Variants in RAD51B observed in about 807,000 individuals in gnomAD.
RAD51B encodes the protein RAD51 paralog B, also known as DNA repair protein RAD51 homolog 2.
Under a neutral mutation model 42.2 loss-of-function variants are expected in RAD51B, and 38 were observed. That is an observed-to-expected ratio of 0.90 (90% CI 0.70 to 1.18). The LOEUF is 1.18. Among genes scored for constraint, RAD51B ranks in the 50% most tolerant of loss-of-function variants. The pLI, the probability that RAD51B is intolerant of heterozygous loss-of-function variation, is 0.00. For synonymous variants in RAD51B, 154 were observed against 145.2 expected (o/e 1.06, Z -0.43); for missense variants, 373 against 400.7 (o/e 0.93, Z 0.59).
intron 7 of RAD51B, among the ~76,000 whole-genome samples, chr14:68,030,220 A>G (rs1238805024): frequency 1.3e-5 from 2 of 152,218 alleles, no homozygotes; most frequent in East Asian, 3.8e-4. Context: ...AAAAAAAGTC[A>G]GCCTGTCTTT....
intron 8 of RAD51B, among the ~76,000 whole-genome samples, chr14:68,321,232 C>G (rs1438296847): frequency 6.6e-6 from 1 of 152,158 alleles, no homozygotes; most frequent in Non-Finnish European, 1.5e-5. Flanking sequence ...TCTCTCTTAG[C>G]CCTACACATC....
At chr14:68,450,926 G>C (rs769475115) in intron 9 of RAD51B, among the ~76,000 whole-genome samples, 1 of 152,136 alleles carries the variant, frequency 6.6e-6, no homozygotes, top group Non-Finnish European at 1.5e-5. Context: ...TAGCATGACT[G>C]TGGGGGCTCA....
intron 1 of RAD51B, among the ~76,000 whole-genome samples, chr14:67,821,652 G>T (rs1023941036): frequency 6.6e-6 from 1 of 152,116 alleles, no homozygotes; most frequent in African/African-American, 2.4e-5. Flanking sequence ...TGTGGAGACA[G>T]GTTCTCTCTA....
Position 67,899,251 on chromosome 14 carries a change from A to G in RAD51B, c.756+12047A>G, listed in dbSNP as rs539586055. 1.6e-3 allele frequency among the ~76,000 whole-genome samples: 235 copies of G among 151,078 alleles called. 1 individual carries two copies. In the East Asian group the frequency reaches 0.017, roughly 11 times the overall value. On this transcript the variant is annotated intron_variant, in intron 7 of 10. Transcript: ENST00000471583. Reference sequence around the variant, plus strand: ...TTTTTAGTAGAGACGGGGTTTCACCATGTTAGCCAGGATGGTCTTGATCTC... The same window carrying G: ...TTTTTAGTAGAGACGGGGTTTCACCGTGTTAGCCAGGATGGTCTTGATCTC...
intron 10 of RAD51B, among the ~76,000 whole-genome samples, chr14:68,492,289 A>G (rs2140283007): frequency 6.6e-6 from 1 of 152,366 alleles, no homozygotes; most frequent in East Asian, 1.9e-4. Flanking sequence ...ATACAAGGTA[A>G]TAAATAATCA....
At chr14:68,450,089 CAA>C (rs2085518158) in intron 9 of RAD51B, among the ~76,000 whole-genome samples, 1 of 152,008 alleles carries the variant, frequency 6.6e-6, no homozygotes, top group Non-Finnish European at 1.5e-5. Flanking sequence ...CTAATTAGGC[CAA>C]GCCCAAGGTT....
intron 7 of RAD51B, among the ~76,000 whole-genome samples, chr14:68,038,412 T>A (rs1029069218): frequency 7.1e-4 from 108 of 152,208 alleles, no homozygotes; most frequent in Non-Finnish European, 1.2e-3. Flanking sequence ...TTTTTTTTTT[T>A]CTTACTCAAA....
intron 7 of RAD51B, among the ~76,000 whole-genome samples, chr14:67,910,602 T>A (rs550554612): frequency 4.4e-4 from 67 of 152,038 alleles, no homozygotes; most frequent in East Asian, 1.4e-3. Flanking sequence ...ACTTTTTTTT[T>A]AAAATTTTAC....
chr14:67,971,994 C>G (rs2074907839), intron 7 of RAD51B, among the ~76,000 whole-genome samples: 1 of 150,716 alleles, frequency 6.6e-6, no homozygotes, highest in Admixed American at 6.6e-5. Flanking sequence ...ATATGTTAAC[C>G]ACATTTTTGT....
chr14:68,369,442 C>T (rs2083207436), intron 8 of RAD51B, among the ~76,000 whole-genome samples: 1 of 152,208 alleles, frequency 6.6e-6, no homozygotes. Flanking sequence ...TGGTGATCCA[C>T]AAAGCATTGC....
At chr14:68,075,228 C>T (rs2076813245) in intron 7 of RAD51B, among the ~76,000 whole-genome samples, 1 of 152,128 alleles carries the variant, frequency 6.6e-6, no homozygotes, top group African/African-American at 2.4e-5. Context: ...GAGAGATTCA[C>T]AGGGAAGAAA....
At chr14:68,374,332 T>C (rs2083321852) in intron 8 of RAD51B, among the ~76,000 whole-genome samples, 2 of 152,210 alleles carry the variant, frequency 1.3e-5, no homozygotes, top group African/African-American at 4.8e-5. Context: ...GAGTCTTGTG[T>C]TGTACTTCCT....
At chr14:68,661,685 C>T (rs781294184) in intron 11 of RAD51B, among the ~76,000 whole-genome samples, 23 of 152,180 alleles carry the variant, frequency 1.5e-4, no homozygotes, top group Non-Finnish European at 2.5e-4. Context: ...TGTGGCCAGG[C>T]ATTGGAATTC....
At chr14:68,525,548 C>A (rs1267046119) in intron 10 of RAD51B, among the ~76,000 whole-genome samples, 2 of 152,230 alleles carry the variant, frequency 1.3e-5, no homozygotes, top group Non-Finnish European at 1.5e-5. Context: ...TCATGGTTCT[C>A]CTGGCTAAGC....
intron 7 of RAD51B, among the ~76,000 whole-genome samples, chr14:68,104,519 A>G (rs1246134689): frequency 3.3e-5 from 5 of 152,112 alleles, no homozygotes; most frequent in Non-Finnish European, 4.4e-5. Context: ...CCAAAACTGA[A>G]TTCTGTGTCT....
intron 5 of RAD51B, among the ~76,000 whole-genome samples, chr14:67,868,175 G>C (rs1434642864): frequency 6.6e-6 from 1 of 152,182 alleles, no homozygotes; most frequent in Non-Finnish European, 1.5e-5. Flanking sequence ...CTGAGGTACC[G>C]GGTTCATCTC....
At chr14:68,072,337 G>T (rs1041052705) in intron 7 of RAD51B, among the ~76,000 whole-genome samples, 2 of 150,684 alleles carry the variant, frequency 1.3e-5, no homozygotes, top group Non-Finnish European at 2.9e-5. Flanking sequence ...ACAAGGTCCC[G>T]CAATAGGCTG....
chr14:68,638,873 G>A (rs1040685170), intron 10 of RAD51B, among the ~76,000 whole-genome samples: 1 of 152,192 alleles, frequency 6.6e-6, no homozygotes, highest in African/African-American at 2.4e-5. Flanking sequence ...AAAACAACAG[G>A]AAGCAGAGAC....
At chr14:68,079,856 C>T (rs1190806022) in intron 7 of RAD51B, among the ~76,000 whole-genome samples, 1 of 152,228 alleles carries the variant, frequency 6.6e-6, no homozygotes, top group East Asian at 1.9e-4. Context: ...GTCTCACAGG[C>T]TCTGTCTCTC....
Sources: gnomAD v4.1 joint callset for allele counts (sites outside exome capture counted in the v4.1 genomes callset) on GRCh38, gnomAD v4.1.1 for gene constraint, MANE v1.5 for transcripts, NCBI Gene and HGNC (gene_info 2026-07-23, HGNC 2026-07-21) for gene names.